Variants in NR5A2 observed in about 807,000 individuals in gnomAD.
The protein encoded by NR5A2 is CYP7A promoter-binding factor.
A neutral mutation model predicts 62.7 loss-of-function variants in NR5A2; 26 were observed. The observed-to-expected ratio is 0.41, with a 90% CI of 0.30 to 0.58. NR5A2 has a LOEUF of 0.58. Among genes scored for constraint, NR5A2 ranks in the 20% least tolerant of loss-of-function variants. The probability of loss-of-function intolerance (pLI) is 0.22; values close to 1 mark genes in which losing one functional copy is unlikely to be tolerated. For missense variants in NR5A2, 541 were observed against 669.1 expected (o/e 0.81, Z 2.11); for synonymous variants, 246 against 241.7 (o/e 1.02, Z -0.16).
At chr1:200,117,268 A>G (rs2737675) in intron 6 of NR5A2, among the ~76,000 whole-genome samples, 2,810 of 152,360 alleles carry the variant, frequency 0.018, 89 homozygotes, top group African/African-American at 0.061. Flanking sequence ...TATGTTTGTA[A>G]TAAAATGTAA....
chr1:200,145,468 TTGTGTGTGTGTGTG>T (rs66885184), intron 7 of NR5A2, among the ~76,000 whole-genome samples: 6,947 of 142,184 alleles, frequency 0.049, 220 homozygotes, highest in African/African-American at 0.089. Flanking sequence ...TTGATAGAAT[TTGTGTGTGTGTGTG>T]TGTGTGTGTG....
chr1:200,149,113 A>G (rs1321483492), intron 7 of NR5A2, among the ~76,000 whole-genome samples: 5 of 152,044 alleles, frequency 3.3e-5, no homozygotes, highest in Non-Finnish European at 7.4e-5. Context: ...GGGTTTCACT[A>G]TGTTGGCCAG....
intron 7 of NR5A2, among the ~76,000 whole-genome samples, chr1:200,139,723 G>C (rs576781367): frequency 6.6e-6 from 1 of 152,240 alleles, no homozygotes; most frequent in African/African-American, 2.4e-5. Flanking sequence ...AAAGCATTTA[G>C]TATTAGAAAG....
At chr1:200,113,190 T>C (rs1348284215) in intron 6 of NR5A2, among the ~76,000 whole-genome samples, 3 of 152,160 alleles carry the variant, frequency 2.0e-5, no homozygotes, top group African/African-American at 7.2e-5. Flanking sequence ...TATTTCCTTA[T>C]ATGTTTCCTG....
rs1666040088 is a variant in NR5A2, at chr1:200,113,155, AG to A, written c.1230+1836del. On this transcript the variant is annotated intron_variant, in intron 6 of 7. Coordinates refer to ENST00000367362, the MANE Select transcript of NR5A2 (RefSeq NM_205860.3). ...TGTGTTTTGTCATCAGAACTGAATG[AG>A]GAACTCCATGGTGGAGAAATAGTTA... is the stretch of plus-strand genomic sequence containing the variant. Among the ~76,000 whole-genome samples the A allele has an allele frequency of 6.6e-5, 10 of 152,316 alleles. No homozygotes were observed. The South Asian group carries it at 2.1e-3, about 32-fold the overall frequency.
chr1:200,135,866 A>G (rs1319703090), intron 7 of NR5A2, among the ~76,000 whole-genome samples: 1 of 152,208 alleles, frequency 6.6e-6, no homozygotes, highest in Non-Finnish European at 1.5e-5. Context: ...TTATCGGGAA[A>G]TGCCTCTTCT....
In NR5A2 at chr1:200,114,271, TACATATATATAC is replaced by T. The variant is rs568833022; in HGVS notation, c.1230+2966_1230+2977del. 3.6e-3 allele frequency among the ~76,000 whole-genome samples: 501 copies of T among 138,048 alleles called. 1 individual carries two copies. Among genetic ancestry groups the T allele is most frequent in the Admixed American group, 6.0e-3 (80 of 13,326 alleles). 90.6% of individuals were successfully genotyped at this position (138,048 alleles called of 152,430 possible). ...ATACACACAAATATATCTACATATATACATATATATACACATATATATACACACACATATATA... is the reference window on the plus strand; with the variant it reads ...ATACACACAAATATATCTACATATATACATATATATACACACACATATATA... On this transcript the variant is annotated intron_variant, in intron 6 of 7. Transcript: ENST00000367362.
At chr1:200,123,319 C>T (rs1358431944) in intron 7 of NR5A2, among the ~76,000 whole-genome samples, 2 of 152,114 alleles carry the variant, frequency 1.3e-5, no homozygotes, top group Non-Finnish European at 2.9e-5. Context: ...TGGTCCCAAG[C>T]GGGTGCAGCG....
intron 6 of NR5A2, 50 bp downstream of exon 6, chr1:200,111,371 G>A (rs367802407): frequency 7.0e-6 from 11 of 1,561,278 alleles, no homozygotes; most frequent in African/African-American, 1.4e-5. Context: ...TATTAAGCAT[G>A]TTCAGAATGG....
At chr1:200,172,893 A>G (rs1654245652) in intron 7 of NR5A2, among the ~76,000 whole-genome samples, 1 of 152,232 alleles carries the variant, frequency 6.6e-6, no homozygotes, top group Non-Finnish European at 1.5e-5. Context: ...AAAATAAAGC[A>G]GGGCAGGGTG....
chr1:200,057,662 A>G, intron 5 of NR5A2: 2 of 336,456 alleles, frequency 5.9e-6, no homozygotes, highest in South Asian at 2.3e-5. Flanking sequence ...TATTTTTAGT[A>G]GAGATGGGAT....
Position 200,090,291 on chromosome 1 carries a change from TC to T in NR5A2, c.1111-20910del, listed in dbSNP as rs1664757040. Among the ~76,000 whole-genome samples, 12 of 152,228 alleles carry T rather than the reference TC, an allele frequency of 7.9e-5. No homozygotes were observed. In the South Asian group the frequency reaches 2.5e-3, roughly 32 times the overall value. On this transcript the variant is annotated intron_variant, in intron 5 of 7. Transcript: ENST00000367362. ...AAGCAGTAGTTCCCACACCTTTTGG[TC>T]TCAGGACGCTTTGCACTTCTGAAAA...
At chr1:200,107,774 G>A (rs1665758122) in intron 5 of NR5A2, among the ~76,000 whole-genome samples, 1 of 151,950 alleles carries the variant, frequency 6.6e-6, no homozygotes, top group Non-Finnish European at 1.5e-5. Context: ...CGAGTAGCTG[G>A]GATTACAGGC....
chr1:200,092,116 G>A (rs919708516), intron 5 of NR5A2, among the ~76,000 whole-genome samples: 1 of 152,126 alleles, frequency 6.6e-6, no homozygotes, highest in African/African-American at 2.4e-5. Flanking sequence ...AGAGAATTAA[G>A]TGAAGCCATT....
intron 5 of NR5A2, chr1:200,058,289 C>T (rs1663019627): frequency 6.6e-6 from 1 of 152,022 alleles, no homozygotes; most frequent in Admixed American, 6.5e-5. Context: ...GTCTAAATGC[C>T]CTGTTTACAG....
At chr1:200,034,943 A>C (rs1248645827) in intron 1 of NR5A2, among the ~76,000 whole-genome samples, 1 of 151,644 alleles carries the variant, frequency 6.6e-6, no homozygotes, top group Non-Finnish European at 1.5e-5. Flanking sequence ...AGCGCTCGGG[A>C]TGAGGGCGGG....
intron 5 of NR5A2, among the ~76,000 whole-genome samples, chr1:200,051,370 C>G (rs990139957): frequency 6.6e-6 from 1 of 152,108 alleles, no homozygotes; most frequent in Non-Finnish European, 1.5e-5. Context: ...CTCTCTTTTC[C>G]CTCCTCTGTG....
At chr1:200,173,188 G>A (rs990726954) in intron 7 of NR5A2, among the ~76,000 whole-genome samples, 3 of 152,108 alleles carry the variant, frequency 2.0e-5, no homozygotes, top group Non-Finnish European at 2.9e-5. Flanking sequence ...CAGGAGTTAG[G>A]CGGAATGAAA....
intron 6 of NR5A2, among the ~76,000 whole-genome samples, chr1:200,118,019 CTTTT>C (rs397982581): frequency 4.3e-5 from 5 of 117,346 alleles, no homozygotes; most frequent in South Asian, 5.7e-4. Context: ...TCGCCTTTTT[CTTTT>C]TTTTTTTTTT....
Sources: allele counts gnomAD v4.1 joint callset (sites outside exome capture counted in the v4.1 genomes callset), GRCh38; gene constraint gnomAD v4.1.1; transcripts MANE v1.5; gene names NCBI Gene and HGNC (gene_info 2026-07-23, HGNC 2026-07-21).